Variants in RAI14 observed in about 807,000 individuals in gnomAD.
RAI14 encodes ankycorbin.
RAI14 carries 45 observed loss-of-function variants against 115.4 expected under a neutral mutation model. The observed-to-expected ratio is 0.39, with a 90% confidence interval of 0.31 to 0.50. The LOEUF (loss-of-function observed/expected upper bound fraction) is 0.50. RAI14 is among the 20% of genes least tolerant of loss of function. The pLI is 0.85. For synonymous variants in RAI14, 371 were observed against 415.4 expected (o/e 0.89, Z 1.30); for missense variants, 939 against 1,131.2 (o/e 0.83, Z 2.44).
chr5:34,702,799 C>T (rs113248060), intron 2 of RAI14, among the ~76,000 whole-genome samples: 8 of 152,246 alleles, frequency 5.3e-5, no homozygotes, highest in South Asian at 2.1e-4. Context: ...CTTCACCTCC[C>T]GGGTTCAAGC....
At chr5:34,767,034 A>C (rs1235884356) in intron 3 of RAI14, among the ~76,000 whole-genome samples, 7 of 152,092 alleles carry the variant, frequency 4.6e-5, no homozygotes, top group East Asian at 1.9e-4. Context: ...TCCTGCCATG[A>C]TTCTGAGGCC....
At chr5:34,830,575 G>C (rs1017373844) in intron 17 of RAI14, 113 bp from the exon 18 acceptor site, 3 of 1,522,526 alleles carry the variant, frequency 2.0e-6, no homozygotes, top group Non-Finnish European at 2.7e-6. Flanking sequence ...TCCTGTGAAA[G>C]ATGTGGGAAT....
chr5:34,791,191 G>A lies in RAI14; in HGVS notation c.168-4748G>A, dbSNP rs1409620424. Among the ~76,000 whole-genome samples, 1 of 152,036 alleles carries A rather than the reference G, an allele frequency of 6.6e-6. No individual in the cohort carries two copies. Among genetic ancestry groups the A allele is most frequent in the African/African-American group, 2.4e-5 (1 of 41,384 alleles). ...GCCCATATGTATTGTTTGGGGTTTG[G>A]TTATTCTCTCAAAACCAAGTTACCG... is the stretch of plus-strand genomic sequence containing the variant. On this transcript the variant is annotated intron_variant, in intron 3 of 17. Coordinates refer to ENST00000265109, the MANE Select transcript of RAI14 (RefSeq NM_015577.3). This position sits in a 1 kb window ranked among gnomAD's most constrained non-coding sequence, Gnocchi z 5.4.
intron 15 of RAI14, among the ~76,000 whole-genome samples, chr5:34,825,568 C>A (rs1341322994): frequency 6.6e-6 from 1 of 152,096 alleles, no homozygotes; most frequent in Non-Finnish European, 1.5e-5. Context: ...CCTCGCCGGT[C>A]CCTCCTTTGA....
rs571187114 is a variant in RAI14, at chr5:34,665,889, T to C, written c.-49+9414T>C. On this transcript the variant is annotated intron_variant, in intron 1 of 17. Coordinates refer to ENST00000265109, the MANE Select transcript of RAI14 (RefSeq NM_015577.3). The stretch of plus-strand genomic sequence containing the variant: ...GAGTGAAAAGTAATAATTGTGGGTT[T>C]TATACTCTCAATTTGAAAACTAGTC... Among the ~76,000 whole-genome samples the C allele has an allele frequency of 5.9e-5, 9 of 152,308 alleles. No individual in the cohort carries two copies. In the South Asian group the frequency reaches 1.9e-3, roughly 32 times the overall value.
chr5:34,732,765 A>G (rs1469795569), intron 2 of RAI14, among the ~76,000 whole-genome samples: 1 of 148,586 alleles, frequency 6.7e-6, no homozygotes, highest in Admixed American at 6.8e-5. Flanking sequence ...GTATACATAT[A>G]TATATTATAT....
chr5:34,814,009 A>T (rs536710855), intron 11 of RAI14, among the ~76,000 whole-genome samples: 1 of 152,348 alleles, frequency 6.6e-6, no homozygotes, highest in South Asian at 2.1e-4. Flanking sequence ...TGGGAGAATG[A>T]GTAGCCATTG....
chr5:34,708,715 G>A (rs1477282850), intron 2 of RAI14, among the ~76,000 whole-genome samples: 2 of 152,184 alleles, frequency 1.3e-5, no homozygotes, highest in Admixed American at 6.5e-5. Flanking sequence ...AAAATAAAAT[G>A]TCAGTAGTTA....
At chr5:34,704,198 G>T (rs1319753038) in intron 2 of RAI14, among the ~76,000 whole-genome samples, 1 of 152,192 alleles carries the variant, frequency 6.6e-6, no homozygotes, top group African/African-American at 2.4e-5. Flanking sequence ...CTGGTTACTA[G>T]CTTCTGCATC....
chr5:34,752,764 T>C (rs1747279290), intron 2 of RAI14, among the ~76,000 whole-genome samples: 1 of 142,990 alleles, frequency 7.0e-6, no homozygotes, highest in African/African-American at 2.6e-5. Flanking sequence ...TATATATATA[T>C]ATGTATCTTT....
chr5:34,822,646 T>TAACC (rs1438405785), intron 14 of RAI14, among the ~76,000 whole-genome samples: 1 of 143,384 alleles, frequency 7.0e-6, no homozygotes, highest in Non-Finnish European at 1.5e-5. Context: ...CTTGCTTAGC[T>TAACC]AACCACGCCT....
intron 2 of RAI14, chr5:34,688,104 TCGACAA>T (rs1281775086): frequency 6.3e-6 from 9 of 1,439,472 alleles, no homozygotes; most frequent in South Asian, 2.9e-5. Context: ...CAAAGAGACT[TCGACAA>T]AGACAGAAAA....
chr5:34,752,745 G>GTA (rs1373860856), intron 2 of RAI14, among the ~76,000 whole-genome samples: 1 of 105,270 alleles, frequency 9.5e-6, no homozygotes, highest in African/African-American at 3.8e-5. Context: ...GTGTGTGTGT[G>GTA]TGTGTATATA....
At chr5:34,808,273 A>AG (rs1755160835) in intron 6 of RAI14, among the ~76,000 whole-genome samples, 1 of 152,234 alleles carries the variant, frequency 6.6e-6, no homozygotes, top group South Asian at 2.1e-4. Flanking sequence ...ACACTGAACT[A>AG]TGAGTGATTA....
At chr5:34,771,912 T>A (rs144223007) in intron 3 of RAI14, among the ~76,000 whole-genome samples, 1 of 152,086 alleles carries the variant, frequency 6.6e-6, no homozygotes, top group East Asian at 1.9e-4. Context: ...TTGTTTTTTG[T>A]TTTTTTGGGA....
rs1326801175 is a variant in RAI14, at chr5:34,752,745, GTGTGTA to G, written c.37-4721_37-4716del. Among the ~76,000 whole-genome samples the G allele has an allele frequency of 8.5e-5, 9 of 105,270 alleles. No individual in the cohort carries two copies. In the South Asian group the frequency reaches 1.3e-3, roughly 15 times the overall value. 69.1% of individuals were successfully genotyped at this position (105,270 alleles called of 152,430 possible). A position where few individuals can be genotyped will look rare whatever the true frequency, so the allele number is the denominator to read the frequency against. On this transcript the variant is annotated intron_variant, in intron 2 of 17. Coordinates refer to ENST00000265109, the MANE Select transcript of RAI14 (RefSeq NM_015577.3). ...TGTGTGTGTGTGTGTGTGTGTGTGT[GTGTGTA>G]TATATATATATATATGTATCTTTTC...
intron 3 of RAI14, among the ~76,000 whole-genome samples, chr5:34,766,421 G>A (rs564689359): frequency 2.0e-5 from 3 of 152,320 alleles, no homozygotes; most frequent in African/African-American, 7.2e-5. Context: ...TGACCTGGAT[G>A]TGAGACCTGG....
intron 1 of RAI14, among the ~76,000 whole-genome samples, chr5:34,663,040 G>T (rs1024167273): frequency 9.2e-5 from 14 of 152,060 alleles, no homozygotes; most frequent in Admixed American, 9.2e-4. Flanking sequence ...CCAGTTTAAA[G>T]ATATTTCTTC....
chr5:34,817,963 T>C (rs531877661), intron 12 of RAI14, among the ~76,000 whole-genome samples: 1 of 152,346 alleles, frequency 6.6e-6, no homozygotes, highest in South Asian at 2.1e-4. Flanking sequence ...CAGTTTATTA[T>C]ACGTTATATA....
Sources: gnomAD v4.1 joint callset for allele counts (sites outside exome capture counted in the v4.1 genomes callset) on GRCh38, gnomAD v4.1.1 for gene constraint, Gnocchi (gnomAD v3.1) non-coding constraint, MANE v1.5 for transcripts, NCBI Gene and HGNC (gene_info 2026-07-23, HGNC 2026-07-21) for gene names.